TBC1D32: variants seen among roughly 807,000 people sequenced by gnomAD.
TBC1D32 encodes protein broad-minded.
Under a neutral mutation model 170.3 loss-of-function variants are expected in TBC1D32, and 151 were observed. The observed-to-expected ratio is 0.89, with a 90% confidence interval of 0.78 to 1.01. The LOEUF is 1.01. TBC1D32 is among the 50% of genes least tolerant of loss of function. TBC1D32 has a pLI of 0.00. For synonymous variants in TBC1D32, 498 were observed against 488.0 expected, an observed-to-expected ratio of 1.02 and a Z score of -0.27; for missense variants, 1,464 against 1,457.1, an observed-to-expected ratio of 1.00 and a Z score of -0.08.
intron 27 of TBC1D32, 129 bp downstream of exon 27, chr6:121,115,043 C>T: frequency 1.7e-6 from 1 of 584,872 alleles, no homozygotes; most frequent in Non-Finnish European, 2.7e-6. Flanking sequence ...AAGTCATTTT[C>T]CGAATGATAA....
intron 22 of TBC1D32, among the ~76,000 whole-genome samples, chr6:121,196,580 C>A (rs1022561347): frequency 6.6e-6 from 1 of 152,216 alleles, no homozygotes; most frequent in Admixed American, 6.5e-5. Flanking sequence ...CATGGTATTA[C>A]ACACAGCATT....
At chr6:121,315,984 G>C (rs1583718957) in intron 3 of TBC1D32, among the ~76,000 whole-genome samples, 1 of 152,154 alleles carries the variant, frequency 6.6e-6, no homozygotes, top group East Asian at 1.9e-4. Context: ...TATTTACAGG[G>C]TAGACACTTG....
intron 30 of TBC1D32, 129 bp from the exon 31 acceptor site, chr6:121,091,170 G>T: frequency 1.3e-6 from 1 of 755,422 alleles, no homozygotes; most frequent in Non-Finnish European, 2.1e-6. Context: ...TACAAAGACA[G>T]TCTTCATAGA....
At chr6:121,198,865 G>C (rs1320126245) in intron 22 of TBC1D32, among the ~76,000 whole-genome samples, 1 of 151,210 alleles carries the variant, frequency 6.6e-6, no homozygotes, top group African/African-American at 2.5e-5. Context: ...TAATAAAGGA[G>C]GAAAATAAAG....
chr6:121,144,738 A>T (rs994604098), intron 24 of TBC1D32, among the ~76,000 whole-genome samples: 6 of 152,174 alleles, frequency 3.9e-5, no homozygotes, highest in African/African-American at 1.4e-4. Context: ...AGCCATCAGC[A>T]TATTGGATAG....
At chr6:121,090,050 A>G (rs2128174698) in intron 31 of TBC1D32, among the ~76,000 whole-genome samples, 2 of 151,470 alleles carry the variant, frequency 1.3e-5, no homozygotes, top group South Asian at 4.2e-4. Flanking sequence ...CTCCTGCCTC[A>G]GCCTCCTGAG....
chr6:121,198,529 A>C (rs896539144), intron 22 of TBC1D32, among the ~76,000 whole-genome samples: 14 of 150,740 alleles, frequency 9.3e-5, no homozygotes, highest in African/African-American at 3.2e-4. Context: ...AGATGGATGG[A>C]TCACGAGCTC....
intron 24 of TBC1D32, among the ~76,000 whole-genome samples, chr6:121,138,473 GA>G (rs958136636): frequency 3.7e-4 from 57 of 152,092 alleles, no homozygotes; most frequent in African/African-American, 1.3e-3. Flanking sequence ...CTTATCAAAA[GA>G]AAATACTTAT....
intron 26 of TBC1D32, among the ~76,000 whole-genome samples, chr6:121,119,267 AT>A (rs1240838131): frequency 1.3e-5 from 2 of 152,170 alleles, no homozygotes; most frequent in African/African-American, 4.8e-5. Context: ...AATTTGTTTA[AT>A]TCCTAATTTT....
At chr6:121,313,015 A>T (rs1000982090) in intron 3 of TBC1D32, among the ~76,000 whole-genome samples, 1 of 152,038 alleles carries the variant, frequency 6.6e-6, no homozygotes, top group Admixed American at 6.6e-5. Context: ...GTTCTGGGTC[A>T]AGACCACTTT....
chr6:121,123,701 T>C (rs1394373492), intron 26 of TBC1D32, among the ~76,000 whole-genome samples: 5 of 152,088 alleles, frequency 3.3e-5, no homozygotes, highest in Admixed American at 1.3e-4. Flanking sequence ...TTTGTATCTT[T>C]CAATAGAAAA....
intron 24 of TBC1D32, among the ~76,000 whole-genome samples, chr6:121,148,050 T>C (rs1391224835): frequency 6.6e-6 from 1 of 151,890 alleles, no homozygotes; most frequent in Non-Finnish European, 1.5e-5. Flanking sequence ...GTTTGTTACA[T>C]AGGTATACAT....
intron 22 of TBC1D32, among the ~76,000 whole-genome samples, chr6:121,185,814 G>A (rs1789137701): frequency 6.6e-6 from 1 of 152,050 alleles, no homozygotes; most frequent in Non-Finnish European, 1.5e-5. Context: ...GTAAGGCACT[G>A]AGCAAATATT....
intron 22 of TBC1D32, among the ~76,000 whole-genome samples, chr6:121,201,104 G>C (rs558739722): frequency 6.6e-6 from 1 of 151,468 alleles, no homozygotes; most frequent in Non-Finnish European, 1.5e-5. Flanking sequence ...CTCCTCACTA[G>C]ATAACAAGGT....
chr6:121,282,699 C>T (rs1184731128), intron 13 of TBC1D32, among the ~76,000 whole-genome samples: 6 of 151,766 alleles, frequency 4.0e-5, no homozygotes, highest in East Asian at 1.9e-4. Flanking sequence ...ACATACCAGA[C>T]ACTGTACTAG....
intron 15 of TBC1D32, among the ~76,000 whole-genome samples, chr6:121,263,206 A>T (rs1799993758): frequency 1.3e-5 from 2 of 149,656 alleles, no homozygotes. Flanking sequence ...AAATATACAC[A>T]TAGGCTCAAA....
intron 22 of TBC1D32, among the ~76,000 whole-genome samples, chr6:121,197,915 C>T (rs921424846): frequency 2.0e-5 from 3 of 151,932 alleles, no homozygotes; most frequent in African/African-American, 7.3e-5. Flanking sequence ...CTGGTGGGCA[C>T]CATCTAATCA....
intron 15 of TBC1D32, among the ~76,000 whole-genome samples, chr6:121,272,338 A>C (rs1801569524): frequency 6.6e-6 from 1 of 152,204 alleles, no homozygotes. Flanking sequence ...GAAAGGGAGA[A>C]ACTTTTTACA....
At chr6:121,198,668 A>G (rs1791143859) in intron 22 of TBC1D32, among the ~76,000 whole-genome samples, 1 of 150,754 alleles carries the variant, frequency 6.6e-6, no homozygotes, top group African/African-American at 2.5e-5. Flanking sequence ...GGAGAATGGC[A>G]TGAACCCGGG....
Sources: allele counts gnomAD v4.1 joint callset (sites outside exome capture counted in the v4.1 genomes callset), GRCh38; gene constraint gnomAD v4.1.1; transcripts MANE v1.5; gene names NCBI Gene and HGNC (gene_info 2026-07-23, HGNC 2026-07-21).